Variants in ASXL3 observed in about 807,000 individuals in gnomAD.
ASXL3 encodes ASXL transcriptional regulator 3, also known as putative Polycomb group protein ASXL3.
ASXL3 carries 34 observed loss-of-function variants against 170.6 expected under a neutral mutation model. That is an observed-to-expected ratio of 0.20 (90% CI 0.15 to 0.27). The LOEUF (loss-of-function observed/expected upper bound fraction) is 0.27, where lower values mean the gene tolerates loss of function less well. Ranked by LOEUF, ASXL3 falls within the 10% of genes least tolerant of loss-of-function variation. ASXL3 has a pLI of 1.00. For missense variants in ASXL3, 2,592 were observed against 2,695.3 expected (o/e 0.96, Z 0.85); for synonymous variants, 1,002 against 989.1 (o/e 1.01, Z -0.24).
chr18:33,633,843 C>CAAAAAAAAAAAA (rs59859337), intron 2 of ASXL3, among the ~76,000 whole-genome samples: 1 of 86,948 alleles, frequency 1.2e-5, no homozygotes, highest in Admixed American at 1.4e-4. Context: ...GACTCCATCT[C>CAAAAAAAAAAAA]AAAAAAAAAA....
At chr18:33,686,732 CTT>C (rs960586364) in intron 8 of ASXL3, among the ~76,000 whole-genome samples, 1 of 152,142 alleles carries the variant, frequency 6.6e-6, no homozygotes, top group South Asian at 2.1e-4. Context: ...AGGCTAAACT[CTT>C]TGAACTTTTT....
chr18:33,586,689 T>A (rs1486334863), intron 1 of ASXL3, among the ~76,000 whole-genome samples: 1 of 152,144 alleles, frequency 6.6e-6, no homozygotes, highest in Non-Finnish European at 1.5e-5. Flanking sequence ...CCAGCTTGCC[T>A]AGCCCAATGT....
At chr18:33,741,815 T>C (rs2067668193) in intron 11 of ASXL3, among the ~76,000 whole-genome samples, 1 of 152,228 alleles carries the variant, frequency 6.6e-6, no homozygotes, top group Non-Finnish European at 1.5e-5. Context: ...CAAACTACTT[T>C]ACCTGCACAG....
chr18:33,656,730 A>C (rs1179468375), intron 4 of ASXL3, among the ~76,000 whole-genome samples: 2 of 152,094 alleles, frequency 1.3e-5, no homozygotes, highest in Non-Finnish European at 2.9e-5. Flanking sequence ...TGCAAAGGAA[A>C]TTCTGTCATT....
chr18:33,618,941 A>C (rs1332327821), intron 2 of ASXL3, among the ~76,000 whole-genome samples: 1 of 152,148 alleles, frequency 6.6e-6, no homozygotes, highest in African/African-American at 2.4e-5. Flanking sequence ...ATAGTGCTGA[A>C]ATGCTGTGTT....
intron 1 of ASXL3, among the ~76,000 whole-genome samples, chr18:33,604,606 G>GC (rs1412554483): frequency 6.6e-6 from 1 of 151,930 alleles, no homozygotes; most frequent in African/African-American, 2.4e-5. Flanking sequence ...CCTGGACAAA[G>GC]CCCCCCAAGG....
Position 33,746,874 on chromosome 18 carries a change from T to C in ASXL3, c.*279T>C. ...GTGTATACAAGTCAATGCCCCATTT[T>C]TGTTTTTCTTTTAACCGAGGTGTAG... is the stretch of plus-strand genomic sequence containing the variant. On this transcript the variant is annotated 3_prime_UTR_variant, in exon 12 of 12. Coordinates refer to ENST00000269197, the MANE Select transcript of ASXL3 (RefSeq NM_030632.3). 2.9e-6 allele frequency: 1 copy of C among 348,372 alleles called. No homozygotes were observed. The highest frequency in any genetic ancestry group is 5.0e-6 in the Non-Finnish European group (1 of 199,852). The allele number at this position is 348,372 out of a possible 1,614,324, so 21.6% of individuals were successfully genotyped here.
chr18:33,661,548 T>G, intron 4 of ASXL3, 68 bp from the exon 5 acceptor site: 1 of 1,446,490 alleles, frequency 6.9e-7, no homozygotes, highest in Non-Finnish European at 9.4e-7. Flanking sequence ...AAGCTCCAAG[T>G]GTGTAATTAC....
chr18:33,595,750 C>T (rs2065120295), intron 1 of ASXL3, among the ~76,000 whole-genome samples: 1 of 152,146 alleles, frequency 6.6e-6, no homozygotes, highest in African/African-American at 2.4e-5. Context: ...AGAAAGTAAT[C>T]AAGATGTGTT....
chr18:33,735,814 T>G (rs879329089), intron 10 of ASXL3, among the ~76,000 whole-genome samples: 131 of 152,166 alleles, frequency 8.6e-4, no homozygotes, highest in Admixed American at 3.9e-3. Flanking sequence ...TTTAATGTAT[T>G]TATCTAACAT....
chr18:33,703,776 T>G (rs777933241), intron 8 of ASXL3, among the ~76,000 whole-genome samples: 12 of 152,150 alleles, frequency 7.9e-5, no homozygotes, highest in Non-Finnish European at 1.5e-4. Context: ...TGACACAGAT[T>G]CTTGCAGTAG....
intron 2 of ASXL3, among the ~76,000 whole-genome samples, chr18:33,640,142 G>A (rs1410711718): frequency 6.6e-6 from 1 of 151,938 alleles, no homozygotes; most frequent in Non-Finnish European, 1.5e-5. Context: ...TTTCACTAGT[G>A]ATTGTAGAGA....
chr18:33,597,471 C>T (rs944551050), intron 1 of ASXL3, among the ~76,000 whole-genome samples: 4 of 152,050 alleles, frequency 2.6e-5, no homozygotes, highest in Non-Finnish European at 5.9e-5. Flanking sequence ...TCTTAGACTA[C>T]GTCTCATTAT....
chr18:33,731,569 T>C (rs570222268), intron 8 of ASXL3, among the ~76,000 whole-genome samples: 2 of 152,282 alleles, frequency 1.3e-5, no homozygotes, highest in South Asian at 4.1e-4. Context: ...CTTTTACATT[T>C]TGAACTTCTT....
intron 2 of ASXL3, among the ~76,000 whole-genome samples, chr18:33,640,812 C>T (rs184452794): frequency 2.0e-5 from 3 of 151,696 alleles, no homozygotes; most frequent in Admixed American, 6.6e-5. Flanking sequence ...GCACTAAGCA[C>T]AGTAACTAAT....
Position 33,733,747 on chromosome 18 carries a change from CA to C in ASXL3, c.977-559del, listed in dbSNP as rs753097013. ...GCTGTTTTACTCACAATTGGCCACT[CA>C]AAAGATCATAAACATATGGATTTGT... On this transcript the variant is annotated intron_variant, in intron 9 of 11. Coordinates refer to ENST00000269197, the MANE Select transcript of ASXL3 (RefSeq NM_030632.3). Among the ~76,000 whole-genome samples the C allele has an allele frequency of 6.3e-3, 956 of 152,278 alleles. 10 individuals are homozygous for C. The highest frequency in any genetic ancestry group is 0.022 in the African/African-American group (922 of 41,566).
chr18:33,636,282 G>A (rs2065761885), intron 2 of ASXL3, among the ~76,000 whole-genome samples: 1 of 151,784 alleles, frequency 6.6e-6, no homozygotes, highest in African/African-American at 2.4e-5. Flanking sequence ...TGCCTCCTTC[G>A]GTGGGCAGTG....
At chr18:33,730,357 A>G (rs989538332) in intron 8 of ASXL3, among the ~76,000 whole-genome samples, 1 of 152,118 alleles carries the variant, frequency 6.6e-6, no homozygotes, top group South Asian at 2.1e-4. Flanking sequence ...GACTAGAGCT[A>G]TGGGGACAGA....
Position 33,746,033 on chromosome 18 carries a change from A to T in ASXL3, c.6185A>T (p.Glu2062Val). 3 of 1,612,476 alleles carry T rather than the reference A, an allele frequency of 1.9e-6. No individual in the cohort carries two copies. Among genetic ancestry groups the T allele is most frequent in the Non-Finnish European group, 2.5e-6 (3 of 1,179,720 alleles). Residue 2062 changes from glutamate (E) to valine (V), a missense_variant, in exon 12 of 12, where the codon GAA becomes GTA. By Grantham distance (121) the Glu-to-Val change is moderately radical. Coordinates refer to ENST00000269197, the MANE Select transcript of ASXL3 (RefSeq NM_030632.3). ...CAAAAACAACCTCCAGTTACCATGG[A>T]AACCACTAAGAGACTTAGTTGGCCA... ...SDQKQPPVTMETTKRLSWPQS... is the reference protein window; with the variant it reads ...SDQKQPPVTMVTTKRLSWPQS...
Sources: gnomAD v4.1 joint callset for allele counts (sites outside exome capture counted in the v4.1 genomes callset) on GRCh38, gnomAD v4.1.1 for gene constraint, MANE v1.5 for transcripts, NCBI Gene and HGNC (gene_info 2026-07-23, HGNC 2026-07-21) for gene names.